The following FLYWCH2 variants were observed in gnomAD, a reference collection of about 807,000 sequenced individuals.
The protein encoded by FLYWCH2 is FLYWCH family member 2.
A neutral mutation model predicts 6.0 loss-of-function variants in FLYWCH2; 2 were observed. The ratio of observed to expected loss-of-function variants is 0.33; its 90% CI spans 0.14 to 1.04. FLYWCH2 has a LOEUF of 1.04. FLYWCH2 is among the 50% of genes least tolerant of loss of function. The pLI is 0.45. For synonymous variants in FLYWCH2, 87 were observed against 79.3 expected (o/e 1.10, Z -0.52); for missense variants, 192 against 183.4 (o/e 1.05, Z -0.27).
intron 1 of FLYWCH2, among the ~76,000 whole-genome samples, chr16:2,887,217 C>G (rs1444405250): frequency 6.6e-6 from 1 of 151,970 alleles, no homozygotes; most frequent in Non-Finnish European, 1.5e-5. Flanking sequence ...GCAATCTCGG[C>G]TCACTGCAAC....
At chr16:2,891,946 C>T (rs1238330823) in intron 1 of FLYWCH2, among the ~76,000 whole-genome samples, 5 of 151,462 alleles carry the variant, frequency 3.3e-5, no homozygotes, top group East Asian at 4.0e-4. Flanking sequence ...AATCCCAGCA[C>T]TTTGGGAGGC....
intron 3 of FLYWCH2, 173 bp downstream of exon 3, chr16:2,896,944 C>T (rs889573144): frequency 3.8e-5 from 25 of 659,882 alleles, no homozygotes; most frequent in Middle Eastern, 4.2e-4. Context: ...GGGCATCCGC[C>T]GACCTCCAAC....
At chr16:2,893,870 C>T (rs969745680) in intron 1 of FLYWCH2, among the ~76,000 whole-genome samples, 1 of 151,862 alleles carries the variant, frequency 6.6e-6, no homozygotes, top group African/African-American at 2.4e-5. Flanking sequence ...GATCTCCTGA[C>T]CTTGTGATCC....
intron 1 of FLYWCH2, among the ~76,000 whole-genome samples, chr16:2,891,805 G>A (rs754753234): frequency 5.3e-5 from 8 of 151,740 alleles, no homozygotes; most frequent in African/African-American, 9.7e-5. Context: ...TGATCCTCCC[G>A]CCTTGCTCAT....
chr16:2,895,602 G>A (rs745456094), intron 2 of FLYWCH2, among the ~76,000 whole-genome samples: 5 of 152,320 alleles, frequency 3.3e-5, no homozygotes, highest in Non-Finnish European at 7.4e-5. Context: ...GCGACAGAGC[G>A]AGACTCCGTC....
chr16:2,896,159 G>T (rs967257925), intron 2 of FLYWCH2, among the ~76,000 whole-genome samples, 193 bp from the exon 3 acceptor site: 8 of 152,188 alleles, frequency 5.3e-5, no homozygotes, highest in African/African-American at 1.9e-4. Context: ...AAGTGGGGTT[G>T]GATGGGGCTG....
At chr16:2,884,211 C>G (rs370639514) in intron 1 of FLYWCH2, among the ~76,000 whole-genome samples, 1 of 152,142 alleles carries the variant, frequency 6.6e-6, no homozygotes, top group Non-Finnish European at 1.5e-5. Context: ...ATTTCCGTTA[C>G]GCAGATGAAA....
chr16:2,883,793 G>A (rs2069667138), intron 1 of FLYWCH2, among the ~76,000 whole-genome samples: 1 of 152,260 alleles, frequency 6.6e-6, no homozygotes, highest in Admixed American at 6.5e-5. Context: ...ATTCTTGAGA[G>A]AGGAGAGAGC....
At position 2,899,058 on chromosome 16, in the gene FLYWCH2, G is replaced by A; in HGVS notation, c.332G>A (p.Arg111Lys). The change falls in exon 4 of 4, where the codon AGA becomes AAA. Residue 111 changes from arginine (R) to lysine (K), a missense_variant. Transcript: ENST00000396958. ...CCCTCTTCTCTCGCAGGCACAGACAGAACAGAAGACAGTGGATTAGCAGCG... is the reference window on the plus strand; with the variant it reads ...CCCTCTTCTCTCGCAGGCACAGACAAAACAGAAGACAGTGGATTAGCAGCG... ...KRSRQDPGTD[R>K]TEDSGLAAGP... 2 of 1,613,434 alleles carry A rather than the reference G, an allele frequency of 1.2e-6. No individual in the cohort carries two copies. Among genetic ancestry groups the A allele is most frequent in the Non-Finnish European group, 1.7e-6 (2 of 1,179,688 alleles).
chr16:2,891,834 G>T (rs747888628), intron 1 of FLYWCH2, among the ~76,000 whole-genome samples: 50 of 152,210 alleles, frequency 3.3e-4, no homozygotes, highest in Non-Finnish European at 6.0e-4. Context: ...CCAGCCAGCT[G>T]CAATCTCAGG....
In FLYWCH2 at chr16:2,896,437, C is replaced by A. The variant is rs564772736; in HGVS notation, c.-13C>A. On this transcript the variant is annotated 5_prime_UTR_variant, in exon 3 of 4. Coordinates refer to ENST00000396958, the MANE Select transcript of FLYWCH2 (RefSeq NM_138439.3). ...GCTGAGTGTGGCCTGAGGGACAGGC[C>A]CTGGGTCCCGGGATGCCCCTGCCCG... 5.0e-6 allele frequency: 8 copies of A among 1,603,376 alleles called. No homozygotes were observed. The highest frequency in any genetic ancestry group is 1.7e-4 in the Middle Eastern group (1 of 5,906).
chr16:2,885,612 G>A (rs1188771231), intron 1 of FLYWCH2, among the ~76,000 whole-genome samples: 1 of 152,146 alleles, frequency 6.6e-6, no homozygotes, highest in East Asian at 1.9e-4. Context: ...TTCTTTTACC[G>A]AGCATAATTT....
intron 2 of FLYWCH2, among the ~76,000 whole-genome samples, chr16:2,895,892 T>C (rs977859955): frequency 3.3e-5 from 5 of 152,222 alleles, no homozygotes; most frequent in Admixed American, 6.5e-5. Context: ...CTGTGTCCAC[T>C]CCATCTCTGC....
At position 2,896,645 on chromosome 16, in the gene FLYWCH2, A is replaced by G. The variant is rs775203441; in HGVS notation, c.196A>G (p.Met66Val). The G allele has an allele frequency of 5.6e-6, 9 of 1,613,648 alleles. No individual in the cohort carries two copies. Among genetic ancestry groups the G allele is most frequent in the Admixed American group, 1.7e-5 (1 of 60,012 alleles). Reference protein sequence around the residue: ...GAKRKGVHCVMSLGVPGPATL... With the variant: ...GAKRKGVHCVVSLGVPGPATL... ...CAAGCGCAAGGGTGTGCACTGTGTC[A>G]TGTCCCTGGGGGTGCCCGGCCCCGC... Residue 66 changes from methionine (M) to valine (V), a missense_variant, in exon 3 of 4, where the codon ATG becomes GTG. Physicochemically the swap from Met to Val is conservative, Grantham distance 21. Transcript: ENST00000396958.
intron 1 of FLYWCH2, among the ~76,000 whole-genome samples, chr16:2,886,157 C>G (rs1253780018): frequency 1.3e-5 from 2 of 151,860 alleles, no homozygotes; most frequent in African/African-American, 2.4e-5. Flanking sequence ...CTGTTTGGAG[C>G]CTTTGCCCAT....
At chr16:2,895,115 C>G (rs922229894) in intron 1 of FLYWCH2, 105 bp from the exon 2 acceptor site, 10 of 152,350 alleles carry the variant, frequency 6.6e-5, no homozygotes, top group African/African-American at 2.2e-4. Context: ...GAAAGGCCAC[C>G]CCACACTGGC....
intron 3 of FLYWCH2, among the ~76,000 whole-genome samples, chr16:2,897,940 C>A (rs9673556): frequency 2.2e-3 from 333 of 152,258 alleles, no homozygotes; most frequent in African/African-American, 7.7e-3. Context: ...TAGCAGGTGG[C>A]CTTGGCTTGT....
chr16:2,888,279 G>A (rs1034956750), intron 1 of FLYWCH2, among the ~76,000 whole-genome samples: 5 of 151,986 alleles, frequency 3.3e-5, no homozygotes, highest in Admixed American at 2.6e-4. Flanking sequence ...CAAAGTGCTG[G>A]GATTACAGGC....
At chr16:2,885,582 T>C (rs2069689860) in intron 1 of FLYWCH2, among the ~76,000 whole-genome samples, 1 of 152,246 alleles carries the variant, frequency 6.6e-6, no homozygotes, top group Admixed American at 6.5e-5. Context: ...TCATATAATA[T>C]GTGGTCTTTT....
Sources: gnomAD v4.1 joint callset for allele counts (sites outside exome capture counted in the v4.1 genomes callset) on GRCh38, gnomAD v4.1.1 for gene constraint, MANE v1.5 for transcripts, NCBI Gene and HGNC (gene_info 2026-07-23, HGNC 2026-07-21) for gene names.